TNNI3K: variants seen among roughly 807,000 people sequenced by gnomAD.
TNNI3K encodes the protein TNNI3 interacting kinase, also known as serine/threonine-protein kinase TNNI3K.
TNNI3K carries 140 observed loss-of-function variants against 114.5 expected under a neutral mutation model. The ratio of observed to expected loss-of-function variants is 1.22; its 90% CI spans 1.07 to 1.41. TNNI3K has a LOEUF of 1.41. Among genes scored for constraint, TNNI3K ranks in the 40% most tolerant of loss-of-function variants. The pLI, the probability that TNNI3K is intolerant of heterozygous loss-of-function variation, is 0.00. For synonymous variants in TNNI3K, 347 were observed against 347.5 expected, an observed-to-expected ratio of 1.00 and a Z score of 0.02; for missense variants, 1,125 against 1,007.6, an observed-to-expected ratio of 1.12 and a Z score of -1.58.
At chr1:74,319,504 G>A (rs1478065193) in intron 5 of TNNI3K, among the ~76,000 whole-genome samples, 1 of 152,136 alleles carries the variant, frequency 6.6e-6, no homozygotes, top group Non-Finnish European at 1.5e-5. Context: ...TGGATTCATA[G>A]AGAGATGGAT....
chr1:74,439,352 T>C (rs562344672), intron 19 of TNNI3K, 138 bp from the exon 20 acceptor site: 4 of 1,353,278 alleles, frequency 3.0e-6, no homozygotes, highest in South Asian at 3.2e-5. Context: ...GAGGGCAATA[T>C]GTATGGATGT....
intron 17 of TNNI3K, among the ~76,000 whole-genome samples, chr1:74,417,682 TTGTGTGTGTGTGTGTGTGTGTGTG>T (rs10529693): frequency 1.3e-4 from 18 of 137,126 alleles, no homozygotes; most frequent in East Asian, 2.2e-4. Flanking sequence ...GTGTACGTGT[TTGTGTGTGTGTGTGTGTGTGTGTG>T]TGTGTGTGTG....
At chr1:74,514,337 G>A (rs1240680432) in intron 23 of TNNI3K, among the ~76,000 whole-genome samples, 1 of 152,192 alleles carries the variant, frequency 6.6e-6, no homozygotes, top group Non-Finnish European at 1.5e-5. Context: ...GCTTTGTGAT[G>A]CTTTTGGCAA....
chr1:74,392,052 G>A (rs888522468), intron 17 of TNNI3K, among the ~76,000 whole-genome samples: 6 of 138,268 alleles, frequency 4.3e-5, no homozygotes, highest in Admixed American at 1.6e-4. Context: ...TGCAAGCTCC[G>A]CCTCCCGGGT....
chr1:74,393,376 G>A (rs116415240), intron 17 of TNNI3K, among the ~76,000 whole-genome samples: 248 of 152,130 alleles, frequency 1.6e-3, no homozygotes, highest in African/African-American at 5.7e-3. Flanking sequence ...AAAAAAAGGA[G>A]AAAGAAAAAT....
chr1:74,318,003 G>A (rs559379988), intron 5 of TNNI3K, among the ~76,000 whole-genome samples: 3 of 152,200 alleles, frequency 2.0e-5, no homozygotes, highest in Non-Finnish European at 4.4e-5. Flanking sequence ...TCTCAACTAT[G>A]TCTTCTCAAG....
intron 23 of TNNI3K, among the ~76,000 whole-genome samples, chr1:74,535,528 C>T (rs1224536095): frequency 6.6e-6 from 1 of 152,112 alleles, no homozygotes; most frequent in Non-Finnish European, 1.5e-5. Context: ...TCTGGGACGT[C>T]ACTTGTCACA....
At chr1:74,409,325 C>T (rs1042004933) in intron 17 of TNNI3K, among the ~76,000 whole-genome samples, 22 of 152,264 alleles carry the variant, frequency 1.4e-4, no homozygotes, top group African/African-American at 5.3e-4. Context: ...ACTCAATAAG[C>T]AGTGCTCTTT....
chr1:74,368,004 A>C, intron 13 of TNNI3K, 40 bp downstream of exon 13: 1 of 1,506,988 alleles, frequency 6.6e-7, no homozygotes, highest in Non-Finnish European at 8.9e-7. Context: ...TTAATTACTA[A>C]GGATAACTAT....
intron 23 of TNNI3K, among the ~76,000 whole-genome samples, chr1:74,517,083 T>C (rs1425335083): frequency 6.6e-6 from 1 of 152,154 alleles, no homozygotes; most frequent in Non-Finnish European, 1.5e-5. Context: ...ATTCAGCTTT[T>C]CCCCCACCCC....
chr1:74,517,808 G>C (rs1450642460), intron 23 of TNNI3K, among the ~76,000 whole-genome samples: 1 of 152,132 alleles, frequency 6.6e-6, no homozygotes, highest in African/African-American at 2.4e-5. Context: ...GAATCACCTG[G>C]AAGATTTTTT....
At chr1:74,240,059 T>A in intron 2 of TNNI3K, 1 of 437,384 alleles carries the variant, frequency 2.3e-6, no homozygotes, top group Admixed American at 2.7e-5. Context: ...TATATCCTCC[T>A]CTGTGCTGCC....
At chr1:74,238,425 T>C (rs939996151) in intron 2 of TNNI3K, among the ~76,000 whole-genome samples, 1 of 151,990 alleles carries the variant, frequency 6.6e-6, no homozygotes, top group Non-Finnish European at 1.5e-5. Context: ...CATTGAGTAG[T>C]TGGAAATTTC....
chr1:74,424,828 C>T (rs1305471633), intron 17 of TNNI3K, among the ~76,000 whole-genome samples: 1 of 151,488 alleles, frequency 6.6e-6, no homozygotes, highest in African/African-American at 2.4e-5. Context: ...CATAATGTTT[C>T]TTGAGCTGCT....
chr1:74,461,299 G>A (rs976812943), intron 20 of TNNI3K, among the ~76,000 whole-genome samples: 1 of 152,130 alleles, frequency 6.6e-6, no homozygotes, highest in African/African-American at 2.4e-5. Flanking sequence ...CTAACACAGT[G>A]AAATCCCATC....
At chr1:74,290,298 G>A (rs1264152380) in intron 5 of TNNI3K, among the ~76,000 whole-genome samples, 3 of 148,852 alleles carry the variant, frequency 2.0e-5, no homozygotes, top group Non-Finnish European at 4.5e-5. Flanking sequence ...AGCATTTTAA[G>A]CCTTTCTACA....
intron 23 of TNNI3K, among the ~76,000 whole-genome samples, chr1:74,503,755 C>T (rs1454295054): frequency 6.6e-6 from 1 of 152,172 alleles, no homozygotes; most frequent in Non-Finnish European, 1.5e-5. Flanking sequence ...CCTTTTATCT[C>T]TTTCTTTTTA....
At chr1:74,276,067 T>C (rs1468465750) in intron 5 of TNNI3K, among the ~76,000 whole-genome samples, 3 of 152,126 alleles carry the variant, frequency 2.0e-5, no homozygotes, top group African/African-American at 7.2e-5. Flanking sequence ...CTAGTGCGAT[T>C]ACATGATGAT....
At chr1:74,480,167 ACAGT>A (rs1478126976) in intron 21 of TNNI3K, 1 of 716,870 alleles carries the variant, frequency 1.4e-6, no homozygotes, top group Admixed American at 2.0e-5. Flanking sequence ...GAAGCCAAGG[ACAGT>A]CAGCAGGGCC....
Sources: gnomAD v4.1 joint callset for allele counts (sites outside exome capture counted in the v4.1 genomes callset) on GRCh38, gnomAD v4.1.1 for gene constraint, MANE v1.5 for transcripts, NCBI Gene and HGNC (gene_info 2026-07-23, HGNC 2026-07-21) for gene names.